The following ZNF846 variants were observed in gnomAD, a reference collection of about 807,000 sequenced individuals.
ZNF846 encodes zinc finger protein 846, also known as zinc finger protein 420 pseudogene.
A neutral mutation model predicts 16.0 loss-of-function variants in ZNF846; 15 were observed. The observed-to-expected ratio is 0.94, with a 90% CI of 0.63 to 1.45. ZNF846 has a LOEUF of 1.45. Ranked by LOEUF, ZNF846 falls within the 40% of genes most tolerant of loss-of-function variation. The pLI is 0.00. For missense variants in ZNF846, 714 were observed against 622.3 expected, an observed-to-expected ratio of 1.15 and a Z score of -1.57; for synonymous variants, 229 against 212.0, an observed-to-expected ratio of 1.08 and a Z score of -0.70.
chr19:9,775,040 G>A lies in ZNF846; in HGVS notation c.-85-10005C>T, dbSNP rs976376751. The A allele has an allele frequency of 2.3e-6, 3 of 1,310,002 alleles. No homozygotes were observed. The South Asian group carries it at 4.1e-5, about 18-fold the overall frequency. The allele number at this position is 1,310,002 out of a possible 1,614,324, so 81.1% of individuals were successfully genotyped here. On this transcript the variant is annotated intron_variant, in intron 1 of 4. Coordinates refer to the ZNF846 transcript ENST00000586814. The stretch of plus-strand genomic sequence containing the variant: ...CAGACACCCGGCAAAGCAGGACTCT[G>A]TGGAAATTGACACGTGCCACCGCCT...
At chr19:9,782,925 CT>C (rs59602183) in intron 1 of ZNF846, among the ~76,000 whole-genome samples, 107 of 147,058 alleles carry the variant, frequency 7.3e-4, no homozygotes, top group Non-Finnish European at 6.6e-4. Flanking sequence ...CTCCCTGTAA[CT>C]TTTTTTTTTT....
intron 1 of ZNF846, among the ~76,000 whole-genome samples, chr19:9,767,562 G>A (rs1296396195): frequency 2.6e-5 from 4 of 152,132 alleles, no homozygotes; most frequent in African/African-American, 9.7e-5. Flanking sequence ...ATTTTCTTTG[G>A]TTTAGAATAT....
At chr19:9,768,600 A>G (rs552260307) in exon 1 of ZNF846, 1 of 152,382 alleles carries the variant, frequency 6.6e-6, no homozygotes, top group East Asian at 1.9e-4. Flanking sequence ...CAGACCTAGC[A>G]GAAGTCCGGA....
chr19:9,778,803 C>CAAAAA (rs56001426), intron 1 of ZNF846, among the ~76,000 whole-genome samples: 6 of 51,346 alleles, frequency 1.2e-4, no homozygotes, highest in African/African-American at 1.9e-4. Context: ...AAACTCGTCT[C>CAAAAA]AAAAAAAAAA....
downstream of ZNF846, among the ~76,000 whole-genome samples, chr19:9,754,600 A>G (rs2045116539): frequency 6.7e-6 from 1 of 149,366 alleles, no homozygotes; most frequent in South Asian, 2.1e-4. Context: ...AAAGGGCAAC[A>G]TACAGTTGGA....
intron 1 of ZNF846, among the ~76,000 whole-genome samples, chr19:9,783,532 A>AG (rs1202453428): frequency 2.7e-5 from 3 of 112,868 alleles, no homozygotes; most frequent in African/African-American, 9.1e-5. Context: ...TCACTAAAAA[A>AG]AAAAAAAAAA....
At chr19:9,754,715 TGTTA>T (rs990812603), downstream of ZNF846, among the ~76,000 whole-genome samples, 16 of 151,602 alleles carry the variant, frequency 1.1e-4, no homozygotes, top group African/African-American at 3.7e-4. Context: ...TTTGCCACTT[TGTTA>T]CTCTTTTTCT....
chr19:9,773,059 TAAAGAAAAGA>T (rs551452545), upstream of ZNF846, among the ~76,000 whole-genome samples: 990 of 151,928 alleles, frequency 6.5e-3, 19 homozygotes, highest in Admixed American at 0.021. Context: ...AGACCTTGTC[TAAAGAAAAGA>T]AAAGAAAAAA....
At chr19:9,776,273 C>T (rs2045441109) in intron 1 of ZNF846, among the ~76,000 whole-genome samples, 1 of 152,220 alleles carries the variant, frequency 6.6e-6, no homozygotes, top group Non-Finnish European at 1.5e-5. Flanking sequence ...GCCAGGCTTG[C>T]CCACTGTTAT....
chr19:9,761,536 T>A (rs946687897), intron 4 of ZNF846, among the ~76,000 whole-genome samples: 4 of 151,636 alleles, frequency 2.6e-5, no homozygotes, highest in African/African-American at 9.7e-5. Context: ...CATAGTGAAA[T>A]CCCATCTCTA....
chr19:9,782,372 C>T (rs891303589), intron 1 of ZNF846, among the ~76,000 whole-genome samples: 3 of 152,166 alleles, frequency 2.0e-5, no homozygotes, highest in Non-Finnish European at 2.9e-5. Context: ...TCAAGCAATC[C>T]TCCAGCCTCA....
intron 1 of ZNF846, among the ~76,000 whole-genome samples, chr19:9,785,389 G>T (rs893308462): frequency 2.0e-5 from 3 of 151,672 alleles, no homozygotes; most frequent in African/African-American, 7.3e-5. Flanking sequence ...GTAGAGATGG[G>T]GTTTCACCAT....
At chr19:9,754,112 CAG>C (rs1434510156), downstream of ZNF846, among the ~76,000 whole-genome samples, 1 of 151,580 alleles carries the variant, frequency 6.6e-6, no homozygotes, top group South Asian at 2.1e-4. Flanking sequence ...TACCTTCTAT[CAG>C]TATATACTCT....
chr19:9,758,366 A>C (rs753135503), exon 6 of ZNF846: 43 of 1,613,294 alleles, frequency 2.7e-5, no homozygotes, highest in Non-Finnish European at 3.6e-5. Flanking sequence ...GGTGTGAGGA[A>C]TTACTGAAGG....
chr19:9,760,510 G>A (rs973308723), intron 4 of ZNF846, among the ~76,000 whole-genome samples: 2 of 151,104 alleles, frequency 1.3e-5, no homozygotes, highest in Admixed American at 6.6e-5. Flanking sequence ...AGACCAGCCC[G>A]GCCAACATGG....
chr19:9,753,364 G>T (rs1394677132), downstream of ZNF846, among the ~76,000 whole-genome samples: 1 of 150,552 alleles, frequency 6.6e-6, no homozygotes, highest in Non-Finnish European at 1.5e-5. Context: ...CCATTCTCCT[G>T]CCTCAGCCTC....
intron 2 of ZNF846, 157 bp from the exon 3 acceptor site, chr19:9,763,565 A>G (rs1168725997): frequency 5.6e-6 from 3 of 539,592 alleles, no homozygotes; most frequent in South Asian, 8.0e-5. Context: ...AATGGCATCC[A>G]ATCCCATGGA....
chr19:9,762,210 A>G (rs1389099093), intron 3 of ZNF846, 42 bp from the exon 4 acceptor site: 19 of 1,486,068 alleles, frequency 1.3e-5, no homozygotes, highest in Non-Finnish European at 1.7e-5. Flanking sequence ...CATGCAAGAC[A>G]TAACACCATG....
upstream of ZNF846, among the ~76,000 whole-genome samples, chr19:9,769,886 CAGG>C (rs757031125): frequency 2.7e-5 from 4 of 150,556 alleles, no homozygotes; most frequent in Non-Finnish European, 4.4e-5. Context: ...GAGGCTGAGG[CAGG>C]AGAATTGCTT....
Sources: allele counts gnomAD v4.1 joint callset (sites outside exome capture counted in the v4.1 genomes callset), GRCh38; gene constraint gnomAD v4.1.1; transcripts MANE v1.5; gene names NCBI Gene and HGNC (gene_info 2026-07-23, HGNC 2026-07-21).